SCHIP1: variants seen among roughly 807,000 people sequenced by gnomAD.
SCHIP1 encodes the protein schwannomin-interacting protein 1.
A neutral mutation model predicts 29.7 loss-of-function variants in SCHIP1; 8 were observed. The observed-to-expected ratio is 0.27, with a 90% CI of 0.16 to 0.49. The LOEUF is 0.49. SCHIP1 is among the 20% of genes least tolerant of loss of function. The pLI is 0.99. For missense variants in SCHIP1, 193 were observed against 294.6 expected (o/e 0.66, Z 2.52); for synonymous variants, 76 against 94.9 (o/e 0.80, Z 1.16).
the SCHIP1 span, among the ~76,000 whole-genome samples, chr3:159,696,374 A>G: frequency 0.011 from 1,674 of 151,914 alleles, 30 homozygotes; most frequent in African/African-American, 0.038. Flanking sequence ...AGTGAAGTTA[A>G]CTCTTACTGC....
At chr3:159,523,814 C>A in the SCHIP1 span, among the ~76,000 whole-genome samples, 3 of 152,212 alleles carry the variant, frequency 2.0e-5, no homozygotes, top group South Asian at 6.2e-4. Flanking sequence ...GGAGTCAGAT[C>A]TAGAAACAAA....
chr3:159,379,164 G>A, the SCHIP1 span, among the ~76,000 whole-genome samples: 1 of 151,908 alleles, frequency 6.6e-6, no homozygotes, highest in African/African-American at 2.4e-5. Context: ...TGCATAAATG[G>A]AGTGATATAA....
the SCHIP1 span, among the ~76,000 whole-genome samples, chr3:159,828,440 CGT>C: frequency 1.5e-4 from 7 of 47,612 alleles, no homozygotes; most frequent in Non-Finnish European, 2.7e-4. Context: ...CGTATATATA[CGT>C]ATATATATAC....
intron 2 of SCHIP1, among the ~76,000 whole-genome samples, chr3:159,880,571 A>G (rs1264770476): frequency 6.6e-6 from 1 of 152,230 alleles, no homozygotes; most frequent in Admixed American, 6.5e-5. Context: ...AGGAGCCAAA[A>G]AGAAACATAA....
the SCHIP1 span, among the ~76,000 whole-genome samples, chr3:159,659,099 G>A: frequency 3.8e-4 from 58 of 152,296 alleles, no homozygotes; most frequent in East Asian, 1.2e-3. Flanking sequence ...GTTTGGGACC[G>A]GGCACATAGT....
At chr3:159,596,201 C>A in the SCHIP1 span, among the ~76,000 whole-genome samples, 3 of 152,308 alleles carry the variant, frequency 2.0e-5, no homozygotes, top group Admixed American at 6.5e-5. Context: ...TGGAAAAATG[C>A]TCACCATCAC....
At chr3:159,731,465 C>A in the SCHIP1 span, among the ~76,000 whole-genome samples, 2 of 152,190 alleles carry the variant, frequency 1.3e-5, no homozygotes, top group South Asian at 4.1e-4. Flanking sequence ...TAGACGAGGC[C>A]GGTAGAGGGC....
At chr3:159,323,940 C>G in the SCHIP1 span, among the ~76,000 whole-genome samples, 36 of 151,966 alleles carry the variant, frequency 2.4e-4, no homozygotes, top group Non-Finnish European at 4.7e-4. Context: ...AAGCAGGGAC[C>G]AAAAAATAGA....
At chr3:159,371,512 G>A in the SCHIP1 span, among the ~76,000 whole-genome samples, 1 of 152,162 alleles carries the variant, frequency 6.6e-6, no homozygotes, top group African/African-American at 2.4e-5. Context: ...GAGGGGTCAT[G>A]TATAAGGGCA....
At chr3:159,401,995 C>T in the SCHIP1 span, among the ~76,000 whole-genome samples, 4,071 of 152,020 alleles carry the variant, frequency 0.027, 73 homozygotes, top group East Asian at 0.11. Context: ...GAACAGGCAA[C>T]CTACAGAATG....
chr3:159,428,553 C>T, the SCHIP1 span, among the ~76,000 whole-genome samples: 2 of 152,034 alleles, frequency 1.3e-5, no homozygotes, highest in East Asian at 3.9e-4. Context: ...ACAACAGGTG[C>T]TGGAGAGGAT....
chr3:159,871,369 G>T (rs1478145618), intron 2 of SCHIP1, among the ~76,000 whole-genome samples: 6 of 105,694 alleles, frequency 5.7e-5, no homozygotes, highest in Admixed American at 1.9e-4. Context: ...TGGGGGGGGT[G>T]GGGGGGGGCT....
At chr3:159,340,512 G>A in the SCHIP1 span, among the ~76,000 whole-genome samples, 11 of 152,064 alleles carry the variant, frequency 7.2e-5, no homozygotes, top group Non-Finnish European at 1.5e-4. Context: ...CACATTTTAT[G>A]TAGAGAAATA....
chr3:159,294,565 T>C, the SCHIP1 span, among the ~76,000 whole-genome samples: 1 of 152,198 alleles, frequency 6.6e-6, no homozygotes, highest in African/African-American at 2.4e-5. Flanking sequence ...TATTTGGCTA[T>C]TGTCTGCATA....
chr3:159,762,581 T>C, the SCHIP1 span, among the ~76,000 whole-genome samples: 1 of 152,216 alleles, frequency 6.6e-6, no homozygotes, highest in Non-Finnish European at 1.5e-5. Context: ...GAGAAATTGG[T>C]TCTCTCCGAT....
At chr3:159,715,885 A>G in the SCHIP1 span, among the ~76,000 whole-genome samples, 1 of 152,224 alleles carries the variant, frequency 6.6e-6, no homozygotes, top group African/African-American at 2.4e-5. Flanking sequence ...ATTCAAATTC[A>G]GGAAATAGAG....
At chr3:159,707,519 A>G in the SCHIP1 span, among the ~76,000 whole-genome samples, 12 of 152,338 alleles carry the variant, frequency 7.9e-5, no homozygotes, top group East Asian at 2.3e-3. Context: ...TGACAATGAC[A>G]AGTTATTTAT....
the SCHIP1 span, among the ~76,000 whole-genome samples, chr3:159,379,273 GT>G: frequency 6.6e-6 from 1 of 151,710 alleles, no homozygotes; most frequent in Non-Finnish European, 1.5e-5. Context: ...CCAGGCTGGA[GT>G]GCAGTGGCAC....
chr3:159,727,432 C>A, the SCHIP1 span, among the ~76,000 whole-genome samples: 9 of 152,202 alleles, frequency 5.9e-5, no homozygotes, highest in African/African-American at 2.2e-4. Context: ...AAGAGCCCAG[C>A]ATGTTGTAGA....
Sources: allele counts gnomAD v4.1 joint callset (sites outside exome capture counted in the v4.1 genomes callset), GRCh38; gene constraint gnomAD v4.1.1; transcripts MANE v1.5; gene names NCBI Gene and HGNC (gene_info 2026-07-23, HGNC 2026-07-21).